LRRC75A: variants seen among roughly 807,000 people sequenced by gnomAD.
LRRC75A encodes leucine rich repeat containing 75A.
LRRC75A carries 12 observed loss-of-function variants against 26.0 expected under a neutral mutation model. The observed-to-expected ratio is 0.46, with a 90% CI of 0.30 to 0.75. The LOEUF (loss-of-function observed/expected upper bound fraction) is 0.75. Among genes scored for constraint, LRRC75A ranks in the 30% least tolerant of loss-of-function variants. LRRC75A has a pLI of 0.08. For synonymous variants in LRRC75A, 223 were observed against 219.3 expected, an observed-to-expected ratio of 1.02 and a Z score of -0.15; for missense variants, 410 against 486.6, an observed-to-expected ratio of 0.84 and a Z score of 1.48.
chr17:16,446,902 C>T (rs551554984), intron 3 of LRRC75A: 11 of 377,098 alleles, frequency 2.9e-5, no homozygotes, highest in Middle Eastern at 3.7e-4. Context: ...CCTGGGAATG[C>T]GCCTCTCCAG....
At chr17:16,488,733 C>G (rs761290341) in intron 1 of LRRC75A, among the ~76,000 whole-genome samples, 1 of 152,242 alleles carries the variant, frequency 6.6e-6, no homozygotes, top group African/African-American at 2.4e-5. Flanking sequence ...AGGCAGCTGC[C>G]TGGCATCCTG....
At chr17:16,472,638 C>T (rs1015970574) in intron 1 of LRRC75A, among the ~76,000 whole-genome samples, 42 of 151,998 alleles carry the variant, frequency 2.8e-4, no homozygotes, top group African/African-American at 8.9e-4. Flanking sequence ...TGGTATTTCA[C>T]ACATTTGTCA....
intron 3 of LRRC75A, among the ~76,000 whole-genome samples, chr17:16,446,012 G>A (rs1294344478): frequency 6.6e-6 from 1 of 152,226 alleles, no homozygotes; most frequent in Non-Finnish European, 1.5e-5. Flanking sequence ...AGGTTCAAGT[G>A]ATTCTCCTGC....
intron 1 of LRRC75A, among the ~76,000 whole-genome samples, chr17:16,472,646 T>C (rs1162409086): frequency 6.6e-6 from 1 of 152,224 alleles, no homozygotes; most frequent in Admixed American, 6.5e-5. Context: ...CACACATTTG[T>C]CATGTTAAGG....
At chr17:16,482,802 C>T (rs2093837656) in intron 1 of LRRC75A, among the ~76,000 whole-genome samples, 1 of 152,258 alleles carries the variant, frequency 6.6e-6, no homozygotes, top group African/African-American at 2.4e-5. Flanking sequence ...CCTGCTTTCC[C>T]TACTTGTCCC....
chr17:16,483,829 G>A (rs940244728), intron 1 of LRRC75A, among the ~76,000 whole-genome samples: 4 of 152,180 alleles, frequency 2.6e-5, no homozygotes, highest in Non-Finnish European at 5.9e-5. Context: ...TGCTGCCATG[G>A]TTTTCTCCTG....
At chr17:16,478,895 G>A (rs1029804189) in intron 1 of LRRC75A, among the ~76,000 whole-genome samples, 3 of 152,228 alleles carry the variant, frequency 2.0e-5, no homozygotes, top group African/African-American at 7.2e-5. Context: ...GCACGTCCTA[G>A]GAAAAACTAA....
intron 2 of LRRC75A, among the ~76,000 whole-genome samples, chr17:16,455,309 C>G (rs887911496): frequency 2.0e-5 from 3 of 151,988 alleles, no homozygotes; most frequent in Admixed American, 6.6e-5. Context: ...TTTTTGTTAC[C>G]CTGTGTCTGG....
intron 1 of LRRC75A, among the ~76,000 whole-genome samples, chr17:16,482,926 T>G (rs2093837949): frequency 6.6e-6 from 1 of 152,196 alleles, no homozygotes; most frequent in African/African-American, 2.4e-5. Flanking sequence ...GCAAAGGTCC[T>G]GAAGCTCGGC....
At chr17:16,470,822 G>C (rs1174102442) in intron 1 of LRRC75A, among the ~76,000 whole-genome samples, 1 of 152,194 alleles carries the variant, frequency 6.6e-6, no homozygotes, top group African/African-American at 2.4e-5. Context: ...CAACAGAAAT[G>C]TATTCTCTCA....
chr17:16,458,477 T>C (rs2093702427), intron 2 of LRRC75A, among the ~76,000 whole-genome samples: 1 of 151,772 alleles, frequency 6.6e-6, no homozygotes, highest in Non-Finnish European at 1.5e-5. Context: ...ACTTCTTTTT[T>C]TTTTTGAGAC....
chr17:16,485,015 T>C (rs993089285), intron 1 of LRRC75A, among the ~76,000 whole-genome samples: 1 of 149,724 alleles, frequency 6.7e-6, no homozygotes, highest in Non-Finnish European at 1.5e-5. Flanking sequence ...ACGTGGGCAC[T>C]GCTCAGGGCC....
intron 1 of LRRC75A, among the ~76,000 whole-genome samples, chr17:16,484,775 G>A (rs890409168): frequency 2.0e-5 from 3 of 152,138 alleles, no homozygotes; most frequent in African/African-American, 7.2e-5. Context: ...GAGCAGGAGC[G>A]AGGGGCAGCT....
intron 1 of LRRC75A, among the ~76,000 whole-genome samples, chr17:16,476,915 T>C (rs1197023330): frequency 1.3e-5 from 2 of 151,722 alleles, no homozygotes; most frequent in Non-Finnish European, 2.9e-5. Context: ...ATTTTTTGTA[T>C]TTTTAGTAGA....
At chr17:16,458,684 C>T (rs1021420329) in intron 2 of LRRC75A, among the ~76,000 whole-genome samples, 12 of 152,108 alleles carry the variant, frequency 7.9e-5, no homozygotes, top group South Asian at 2.1e-4. Context: ...AGGCTGGTCT[C>T]GAACTTCCAA....
intron 1 of LRRC75A, among the ~76,000 whole-genome samples, chr17:16,475,753 T>A (rs936691842): frequency 1.3e-5 from 2 of 151,962 alleles, no homozygotes; most frequent in African/African-American, 4.8e-5. Flanking sequence ...AAAAAAAAAT[T>A]TTGTAGAAAC....
At chr17:16,468,831 G>A (rs894032790) in intron 1 of LRRC75A, among the ~76,000 whole-genome samples, 15 of 152,204 alleles carry the variant, frequency 9.9e-5, no homozygotes, top group African/African-American at 2.7e-4. Context: ...TGAGGCTGAA[G>A]TGGGCTATGA....
chr17:16,458,280 C>G (rs530681575), intron 2 of LRRC75A, among the ~76,000 whole-genome samples: 37 of 152,002 alleles, frequency 2.4e-4, no homozygotes, highest in African/African-American at 8.9e-4. Flanking sequence ...GCACTCCAGC[C>G]TAGGTGATAC....
At position 16,462,854 on chromosome 17, in the gene LRRC75A, T is replaced by C; in HGVS notation, c.247-468A>G. On this transcript the variant is annotated intron_variant, in intron 1 of 3. Transcript: ENST00000470794. The surrounding 1 kb of genome is among the most constrained non-coding windows in gnomAD (Gnocchi z 4.6). ...GTAGCCGATGCAGCCTCAGTGTTCC[T>C]TTGCCTTGGGGGTTTCTGAGTGGTG... 5.8e-6 allele frequency: 1 copy of C among 173,684 alleles called. No homozygotes were observed. The highest frequency in any genetic ancestry group is 1.2e-5 in the Non-Finnish European group (1 of 80,994). The allele number at this position is 173,684 out of a possible 1,614,324, so 10.8% of individuals were successfully genotyped here. A position where few individuals can be genotyped will look rare whatever the true frequency, so the allele number is the denominator to read the frequency against.
Sources: gnomAD v4.1 joint callset for allele counts (sites outside exome capture counted in the v4.1 genomes callset) on GRCh38, gnomAD v4.1.1 for gene constraint, Gnocchi (gnomAD v3.1) non-coding constraint, MANE v1.5 for transcripts, NCBI Gene and HGNC (gene_info 2026-07-23, HGNC 2026-07-21) for gene names.